Variants in TRPM2 observed in about 807,000 individuals in gnomAD.
TRPM2 encodes transient receptor potential cation channel subfamily M member 2.
Under a neutral mutation model 174.0 loss-of-function variants are expected in TRPM2, and 161 were observed. The ratio of observed to expected loss-of-function variants is 0.93; its 90% CI spans 0.81 to 1.05. TRPM2 has a LOEUF of 1.05. TRPM2 is among the 50% of genes least tolerant of loss of function. The pLI is 0.00. For missense variants in TRPM2, 2,057 were observed against 2,038.0 expected (o/e 1.01, Z -0.18); for synonymous variants, 954 against 861.3 (o/e 1.11, Z -1.88).
At chr21:44,384,260 T>C (rs969999749) in intron 9 of TRPM2, among the ~76,000 whole-genome samples, 4 of 152,248 alleles carry the variant, frequency 2.6e-5, no homozygotes, top group African/African-American at 7.2e-5. Flanking sequence ...GTCTGTTTTA[T>C]GTGACTAAAA....
chr21:44,437,294 G>A (rs1420711464), intron 29 of TRPM2, 127 bp downstream of exon 29: 1 of 810,224 alleles, frequency 1.2e-6, no homozygotes, highest in Non-Finnish European at 2.0e-6. Context: ...GGCAGGGAGG[G>A]TTCGAGACCC....
At chr21:44,384,681 C>T (rs1037635564) in intron 9 of TRPM2, among the ~76,000 whole-genome samples, 1 of 152,120 alleles carries the variant, frequency 6.6e-6, no homozygotes, top group Non-Finnish European at 1.5e-5. Flanking sequence ...TTGGGGAAAA[C>T]ATTCAAGCCA....
Position 44,425,767 on chromosome 21 carries a change from C to T in TRPM2, c.3735C>T (p.Leu1245=). Residue 1245 remains leucine (L), a synonymous_variant, in exon 25 of 32, where the codon CTC becomes CTT. Coordinates refer to ENST00000397928, the MANE Select transcript of TRPM2 (RefSeq NM_003307.4). ...GDSYHVNARH[L]LYPNCPVTRF... is the part of the protein sequence containing the mutation. ...GCTACCACGTGAATGCCCGGCACCT[C>T]CTCTACCCCAACTGCCCTGTCACGC... 1 of 1,597,022 alleles carries T rather than the reference C, an allele frequency of 6.3e-7. No homozygotes were observed. The highest frequency in any genetic ancestry group is 1.1e-5 in the South Asian group (1 of 89,646).
chr21:44,386,837 T>A lies in TRPM2; in HGVS notation c.1318+4017T>A, dbSNP rs149926454. 1.2e-3 allele frequency among the ~76,000 whole-genome samples: 180 copies of A among 152,314 alleles called. 2 individuals are homozygous for A. Among genetic ancestry groups the A allele is most frequent in the African/African-American group, 4.0e-3 (165 of 41,558 alleles). On this transcript the variant is annotated intron_variant, in intron 9 of 31. Transcript: ENST00000397928. ...ACAAAGCTGGAAGACTCACACTTTC[T>A]GATTTCTAAACTCACTACAAAGCTA...
Position 44,406,684 on chromosome 21 carries a change from C to G in TRPM2, c.2881C>G (p.Arg961Gly), listed in dbSNP as rs778642263. ...AKQAILIHNE[R>G]RVDWLFRGAV... ...GCAGGCCATCCTCATCCACAACGAGCGCCGGGTGGACTGGCTGTTCCGAGG... is the reference window on the plus strand; with the variant it reads ...GCAGGCCATCCTCATCCACAACGAGGGCCGGGTGGACTGGCTGTTCCGAGG... Residue 961 changes from arginine to glycine, a missense_variant, in exon 19 of 32, where the codon CGC becomes GGC. By Grantham distance (125) the Arg-to-Gly change is moderately radical (BLOSUM62 -2). Transcript: ENST00000397928. 2 of 1,610,188 alleles carry G rather than the reference C, an allele frequency of 1.2e-6. No homozygotes were observed. Among genetic ancestry groups the G allele is most frequent in the African/African-American group, 1.3e-5 (1 of 74,906 alleles).
rs1160655228 is a variant in TRPM2, at chr21:44,409,383, C to T, written c.2962+2618C>T. ...GCATCTTGGCATCCTTGTTGAAAAT[C>T]AGTGGACCATTAACATAAGGGCTTA... On this transcript the variant is annotated intron_variant, in intron 19 of 31. Coordinates refer to ENST00000397928, the MANE Select transcript of TRPM2 (RefSeq NM_003307.4). Among the ~76,000 whole-genome samples the T allele has an allele frequency of 2.0e-5, 3 of 152,204 alleles. 1 individual carries two copies. The highest frequency in any genetic ancestry group is 4.4e-5 in the Non-Finnish European group (3 of 68,038).
chr21:44,427,258 T>G lies in TRPM2; in HGVS notation c.3974+147T>G, dbSNP rs2050835636. ...CCACCGAAAGGAAGAAAACATCAAC[T>G]CACTGCATCTCCGTAGCCCCCAGGA... is the stretch of plus-strand genomic sequence containing the variant. On this transcript the variant is annotated intron_variant, in intron 27 of 31. Coordinates refer to ENST00000397928, the MANE Select transcript of TRPM2 (RefSeq NM_003307.4). The G allele has an allele frequency of 9.8e-6, 7 of 712,702 alleles. No homozygotes were observed. The Admixed American group carries it at 1.4e-4, about 15-fold the overall frequency. The allele number at this position is 712,702 out of a possible 1,614,324, so 44.1% of individuals were successfully genotyped here.
chr21:44,419,821 GTGGTGGTGA>G (rs1483060203), intron 22 of TRPM2, among the ~76,000 whole-genome samples: 9 of 150,278 alleles, frequency 6.0e-5, no homozygotes, highest in South Asian at 2.1e-4. Flanking sequence ...GGCAGTGGTG[GTGGTGGTGA>G]TGGTGGTGAT....
In TRPM2 at chr21:44,413,879, T is replaced by A; in HGVS notation, c.2963-12T>A. 1 of 1,603,650 alleles carries A rather than the reference T, an allele frequency of 6.2e-7. No individual in the cohort carries two copies. The highest frequency in any genetic ancestry group is 8.5e-7 in the Non-Finnish European group (1 of 1,171,776). On this transcript the variant is annotated splice_polypyrimidine_tract_variant and intron_variant, in intron 19 of 31. Transcript: ENST00000397928. ...GTTTTCTTGGCTCACCCACCCCCAT[T>A]CCCAACGCCAGGTGTGAACTTCAAC...
At chr21:44,384,074 T>C (rs555791222) in intron 9 of TRPM2, among the ~76,000 whole-genome samples, 8 of 152,250 alleles carry the variant, frequency 5.3e-5, no homozygotes, top group African/African-American at 1.9e-4. Flanking sequence ...AAATTGGTTA[T>C]TTGAAAAGAT....
At chr21:44,423,990 A>C (rs2050648641) in intron 23 of TRPM2, among the ~76,000 whole-genome samples, 1 of 152,182 alleles carries the variant, frequency 6.6e-6, no homozygotes, top group Non-Finnish European at 1.5e-5. Flanking sequence ...CGCTGCTCCC[A>C]GGAAACAGAG....
chr21:44,420,192 G>A (rs1195842514), intron 22 of TRPM2, among the ~76,000 whole-genome samples: 1 of 152,138 alleles, frequency 6.6e-6, no homozygotes, highest in Admixed American at 6.5e-5. Flanking sequence ...CCCAGAGAGA[G>A]TCAGGACTTG....
At chr21:44,378,918 C>A in intron 7 of TRPM2, 79 bp from the exon 8 acceptor site, 1 of 1,487,406 alleles carries the variant, frequency 6.7e-7, no homozygotes, top group Non-Finnish European at 9.2e-7. Flanking sequence ...CTTAGCTGGC[C>A]TTGGAGAATT....
chr21:44,386,399 C>T (rs146693290), intron 9 of TRPM2, among the ~76,000 whole-genome samples: 4 of 152,086 alleles, frequency 2.6e-5, no homozygotes, highest in African/African-American at 9.6e-5. Context: ...CAGCAAGACT[C>T]CGTTCCCCCA....
chr21:44,424,084 A>G (rs1229163662), intron 23 of TRPM2, among the ~76,000 whole-genome samples: 2 of 152,002 alleles, frequency 1.3e-5, no homozygotes, highest in African/African-American at 4.8e-5. Context: ...GGTGGGGAGG[A>G]CTTAGAGACG....
intron 5 of TRPM2, among the ~76,000 whole-genome samples, chr21:44,370,535 A>G (rs1338050821): frequency 6.6e-6 from 1 of 152,188 alleles, no homozygotes; most frequent in African/African-American, 2.4e-5. Flanking sequence ...AGGAAAGCCC[A>G]GGGAACACTG....
chr21:44,380,656 C>T (rs1006519134), intron 8 of TRPM2, among the ~76,000 whole-genome samples: 9 of 152,134 alleles, frequency 5.9e-5, no homozygotes, highest in South Asian at 2.1e-4. Flanking sequence ...TCCTTTAACA[C>T]GCCTTCTCAG....
chr21:44,403,654 C>CACACACATGCAT (rs1181487116), intron 16 of TRPM2, among the ~76,000 whole-genome samples: 6 of 150,650 alleles, frequency 4.0e-5, no homozygotes, highest in Admixed American at 2.0e-4. Flanking sequence ...TGCACACATG[C>CACACACATGCAT]ACACACATGC....
At chr21:44,428,129 G>A (rs557849483) in intron 27 of TRPM2, among the ~76,000 whole-genome samples, 1 of 152,188 alleles carries the variant, frequency 6.6e-6, no homozygotes, top group South Asian at 2.1e-4. Context: ...CTTCTGTTGT[G>A]GACTTGCGAA....
Sources: allele counts gnomAD v4.1 joint callset (sites outside exome capture counted in the v4.1 genomes callset), GRCh38; gene constraint gnomAD v4.1.1; transcripts MANE v1.5; gene names NCBI Gene and HGNC (gene_info 2026-07-23, HGNC 2026-07-21).